The following PDE4D variants were observed in gnomAD, a reference collection of about 807,000 sequenced individuals.
PDE4D encodes phosphodiesterase 4D.
A neutral mutation model predicts 87.4 loss-of-function variants in PDE4D; 24 were observed. The observed-to-expected ratio is 0.27, with a 90% confidence interval of 0.20 to 0.39. The LOEUF is 0.39. Ranked by LOEUF, PDE4D falls within the 10% of genes least tolerant of loss-of-function variation. PDE4D has a pLI of 1.00. For missense variants in PDE4D, 714 were observed against 1,041.0 expected (o/e 0.69, Z 4.32); for synonymous variants, 384 against 383.2 (o/e 1.00, Z -0.02).
rs1742631787 is a variant in PDE4D, at chr5:60,416,802, A to G, written c.-90+71140T>C. ...GGCTTTAGAGGATAATGAACTAGGT[A>G]AAAACAGCTTGGGAATCTGAATAAC... is the stretch of plus-strand genomic sequence containing the variant. On this transcript the variant is annotated intron_variant, in intron 1 of 16. Transcript: ENST00000502484. Among the ~76,000 whole-genome samples, 4 of 152,248 alleles carry G rather than the reference A, an allele frequency of 2.6e-5. No homozygotes were observed. The South Asian group carries it at 8.3e-4, about 32-fold the overall frequency.
At chr5:59,474,049 G>T (rs1802888643) in intron 1 of PDE4D, among the ~76,000 whole-genome samples, 1 of 152,056 alleles carries the variant, frequency 6.6e-6, no homozygotes, top group African/African-American at 2.4e-5. Flanking sequence ...GTGTTGACTA[G>T]AATTTTAAAT....
chr5:60,046,974 T>A (rs1449114535), intron 2 of PDE4D, among the ~76,000 whole-genome samples: 1 of 152,212 alleles, frequency 6.6e-6, no homozygotes, highest in Non-Finnish European at 1.5e-5. Context: ...CTGGTAGAAT[T>A]CGGCTGTGAA....
At chr5:59,768,134 C>A in intron 1 of PDE4D, 1 of 1,312,698 alleles carries the variant, frequency 7.6e-7, no homozygotes, top group Admixed American at 2.0e-5. Context: ...CCATAAATCC[C>A]CGGTGAGGAA....
intron 2 of PDE4D, among the ~76,000 whole-genome samples, chr5:60,076,859 T>C (rs942777429): frequency 6.6e-6 from 1 of 152,202 alleles, no homozygotes; most frequent in African/African-American, 2.4e-5. Context: ...GATGTGGCAG[T>C]GTGCTAGCAG....
intron 2 of PDE4D, among the ~76,000 whole-genome samples, chr5:59,198,338 T>C (rs995640292): frequency 4.6e-5 from 7 of 152,230 alleles, no homozygotes; most frequent in African/African-American, 1.7e-4. Context: ...CACACATGTA[T>C]ACATGTATGT....
chr5:60,397,607 C>A (rs1023564199), intron 1 of PDE4D, among the ~76,000 whole-genome samples: 1 of 152,134 alleles, frequency 6.6e-6, no homozygotes, highest in Non-Finnish European at 1.5e-5. Flanking sequence ...CCTACAAAAG[C>A]AGAGAGTAGA....
chr5:60,487,331 A>C (rs1419690928), intron 1 of PDE4D, among the ~76,000 whole-genome samples: 1 of 152,210 alleles, frequency 6.6e-6, no homozygotes, highest in Non-Finnish European at 1.5e-5. Context: ...CAACAAGCGC[A>C]TGGTTTTTCA....
At chr5:59,473,168 G>T (rs957709137) in intron 1 of PDE4D, among the ~76,000 whole-genome samples, 2 of 147,516 alleles carry the variant, frequency 1.4e-5, no homozygotes, top group African/African-American at 5.0e-5. Context: ...ACTGAAAAAA[G>T]ACTGTTTCAG....
intron 5 of PDE4D, among the ~76,000 whole-genome samples, chr5:59,044,700 C>T (rs1760322111): frequency 6.6e-6 from 1 of 152,206 alleles, no homozygotes; most frequent in African/African-American, 2.4e-5. Context: ...AAGCTGCTCT[C>T]ATCTCCAAGT....
intron 1 of PDE4D, among the ~76,000 whole-genome samples, chr5:59,669,364 G>A (rs912832415): frequency 6.6e-6 from 1 of 151,966 alleles, no homozygotes; most frequent in African/African-American, 2.4e-5. Flanking sequence ...TGTCCGCCTC[G>A]GCCTCCCAAA....
chr5:59,620,983 G>A (rs1830283075), intron 1 of PDE4D, among the ~76,000 whole-genome samples: 1 of 152,020 alleles, frequency 6.6e-6, no homozygotes, highest in South Asian at 2.1e-4. Flanking sequence ...TGATAACCTA[G>A]AGAAATCTCC....
chr5:60,520,070 T>C (rs1750966913), intron 1 of PDE4D, among the ~76,000 whole-genome samples: 1 of 151,946 alleles, frequency 6.6e-6, no homozygotes, highest in Non-Finnish European at 1.5e-5. Flanking sequence ...TCCTCTGATA[T>C]CTTCAAAATA....
intron 5 of PDE4D, among the ~76,000 whole-genome samples, chr5:59,125,744 G>A (rs572056099): frequency 6.6e-6 from 1 of 152,254 alleles, no homozygotes; most frequent in South Asian, 2.1e-4. Flanking sequence ...ATGGGGGAGC[G>A]AATGACAGAC....
intron 1 of PDE4D, among the ~76,000 whole-genome samples, chr5:59,261,116 G>A (rs1761929656): frequency 6.6e-6 from 1 of 151,794 alleles, no homozygotes; most frequent in Non-Finnish European, 1.5e-5. Flanking sequence ...ATAATAATTT[G>A]ATATTTTGTT....
chr5:59,605,219 T>G (rs1828027249), intron 1 of PDE4D, among the ~76,000 whole-genome samples: 2 of 152,128 alleles, frequency 1.3e-5, no homozygotes, highest in South Asian at 4.1e-4. Flanking sequence ...GACTTGCTAT[T>G]TCCAAAGGTG....
intron 1 of PDE4D, among the ~76,000 whole-genome samples, chr5:59,457,333 C>T: frequency 6.6e-6 from 1 of 152,148 alleles, no homozygotes; most frequent in Admixed American, 6.6e-5. Flanking sequence ...ATCATAAGCA[C>T]TTTTTAGCAA....
chr5:60,236,974 G>T (rs1746502072), intron 1 of PDE4D, among the ~76,000 whole-genome samples: 1 of 151,904 alleles, frequency 6.6e-6, no homozygotes, highest in Admixed American at 6.6e-5. Flanking sequence ...ACAGTTATTT[G>T]TTACAGCATC....
intron 1 of PDE4D, among the ~76,000 whole-genome samples, chr5:59,552,758 T>C (rs1818329880): frequency 6.6e-6 from 1 of 152,048 alleles, no homozygotes; most frequent in Non-Finnish European, 1.5e-5. Context: ...CAAAATTAAC[T>C]ATATGTACAT....
chr5:60,516,542 G>A (rs1750809443), intron 1 of PDE4D, among the ~76,000 whole-genome samples: 1 of 152,284 alleles, frequency 6.6e-6, no homozygotes. Flanking sequence ...AAGACAGTAG[G>A]GTATTGAGAG....
Sources: gnomAD v4.1 joint callset for allele counts (sites outside exome capture counted in the v4.1 genomes callset) on GRCh38, gnomAD v4.1.1 for gene constraint, MANE v1.5 for transcripts, NCBI Gene and HGNC (gene_info 2026-07-23, HGNC 2026-07-21) for gene names.